KCNJ3: variants seen among roughly 807,000 people sequenced by gnomAD.
KCNJ3 encodes potassium inwardly rectifying channel subfamily J member 3, also known as G protein-activated inward rectifier potassium channel 1.
A neutral mutation model predicts 39.2 loss-of-function variants in KCNJ3; 4 were observed. The observed-to-expected ratio is 0.10, with a 90% CI of 0.05 to 0.23. The LOEUF (loss-of-function observed/expected upper bound fraction) is 0.23, where lower values mean the gene tolerates loss of function less well. KCNJ3 is among the 10% of genes least tolerant of loss of function. KCNJ3 has a pLI of 1.00. For synonymous variants in KCNJ3, 230 were observed against 237.4 expected (o/e 0.97, Z 0.29); for missense variants, 276 against 634.9 (o/e 0.43, Z 6.08).
At chr2:154,831,484 T>C (rs762336939) in intron 2 of KCNJ3, among the ~76,000 whole-genome samples, 19 of 152,146 alleles carry the variant, frequency 1.2e-4, no homozygotes, top group Non-Finnish European at 2.4e-4. Flanking sequence ...GTTAGGATAA[T>C]TGCCAGGTCT....
intron 2 of KCNJ3, among the ~76,000 whole-genome samples, chr2:154,838,171 A>G (rs968338523): frequency 1.3e-5 from 2 of 152,214 alleles, no homozygotes; most frequent in African/African-American, 4.8e-5. Context: ...TCATAAAATT[A>G]AGAGCATTTC....
intron 2 of KCNJ3, among the ~76,000 whole-genome samples, chr2:154,789,644 C>A (rs1686592139): frequency 6.6e-6 from 1 of 152,010 alleles, no homozygotes; most frequent in African/African-American, 2.4e-5. Context: ...AACAAATTCC[C>A]TTTATCTTCT....
Position 154,738,782 on chromosome 2 carries a change from A to G in KCNJ3, c.919+28963A>G, listed in dbSNP as rs187769237. ...TAGACTGCTGTAAACAGCAAGGACT[A>G]TCTTTCAAAAAAAGAAGGTGCAATT... On this transcript the variant is annotated intron_variant, in intron 2 of 2. Transcript: ENST00000295101. 2.7e-3 allele frequency among the ~76,000 whole-genome samples: 414 copies of G among 152,228 alleles called. 3 individuals are homozygous for G. The highest frequency in any genetic ancestry group is 3.5e-3 in the Non-Finnish European group (236 of 67,976).
rs754869659 is a variant in KCNJ3 at position 154,750,039 on chromosome 2, T to C, written c.919+40220T>C. 1.6e-4 allele frequency among the ~76,000 whole-genome samples: 25 copies of C among 152,178 alleles called. No individual in the cohort carries two copies. The South Asian group carries it at 1.7e-3, about 10-fold the overall frequency. On this transcript the variant is annotated intron_variant, in intron 2 of 2. Coordinates refer to ENST00000295101, the MANE Select transcript of KCNJ3 (RefSeq NM_002239.4). ...AAATAGTAGTTTATTGTAAATGTCT[T>C]GTAGAAGAAAGCCTAGTGAATAGCA... is the stretch of plus-strand genomic sequence containing the variant.
chr2:154,708,706 C>G (rs955482840), intron 1 of KCNJ3, among the ~76,000 whole-genome samples: 2 of 152,126 alleles, frequency 1.3e-5, no homozygotes, highest in African/African-American at 4.8e-5. Flanking sequence ...TAATTTTACT[C>G]TCATGGTTTG....
intron 1 of KCNJ3, among the ~76,000 whole-genome samples, chr2:154,708,906 G>A (rs1463553058): frequency 6.6e-6 from 1 of 152,080 alleles, no homozygotes; most frequent in East Asian, 1.9e-4. Flanking sequence ...GTTTAGTTCA[G>A]TTTTTCACTG....
intron 2 of KCNJ3, among the ~76,000 whole-genome samples, chr2:154,719,666 TC>T (rs1490813597): frequency 6.6e-6 from 1 of 152,154 alleles, no homozygotes; most frequent in Admixed American, 6.5e-5. Flanking sequence ...GGAGAGAATA[TC>T]ATTATGCTTA....
intron 2 of KCNJ3, among the ~76,000 whole-genome samples, chr2:154,732,443 A>G (rs1685462084): frequency 6.6e-6 from 1 of 152,138 alleles, no homozygotes; most frequent in Non-Finnish European, 1.5e-5. Flanking sequence ...TTCTTTAGAA[A>G]CAAACAAACA....
At chr2:154,769,146 A>G (rs1228681843) in intron 2 of KCNJ3, among the ~76,000 whole-genome samples, 1 of 152,130 alleles carries the variant, frequency 6.6e-6, no homozygotes, top group African/African-American at 2.4e-5. Context: ...GGACAATTTG[A>G]CTTCCTCTTT....
chr2:154,753,850 CAT>C (rs1685890973), intron 2 of KCNJ3, among the ~76,000 whole-genome samples: 1 of 152,016 alleles, frequency 6.6e-6, no homozygotes, highest in East Asian at 1.9e-4. Flanking sequence ...TTTTAGAAAA[CAT>C]ATTATTTTGA....
intron 2 of KCNJ3, among the ~76,000 whole-genome samples, chr2:154,814,716 C>A (rs1687055591): frequency 6.6e-6 from 1 of 152,048 alleles, no homozygotes; most frequent in Admixed American, 6.6e-5. Flanking sequence ...ATAAAATTTA[C>A]AAAAATCATT....
At chr2:154,729,744 A>G (rs1685419950) in intron 2 of KCNJ3, among the ~76,000 whole-genome samples, 1 of 152,200 alleles carries the variant, frequency 6.6e-6, no homozygotes, top group African/African-American at 2.4e-5. Flanking sequence ...ACATAAATCA[A>G]TTTTTAAAAA....
chr2:154,702,686 C>G (rs894894760), intron 1 of KCNJ3, among the ~76,000 whole-genome samples: 6 of 151,768 alleles, frequency 4.0e-5, no homozygotes, highest in African/African-American at 1.5e-4. Flanking sequence ...GGGGTCAGTC[C>G]TTTTTCTACT....
chr2:154,720,463 G>A (rs114637590), intron 2 of KCNJ3, among the ~76,000 whole-genome samples: 2,688 of 152,002 alleles, frequency 0.018, 71 homozygotes, highest in African/African-American at 0.061. Flanking sequence ...ACTGTCAAGC[G>A]ATTTTTCCAT....
intron 2 of KCNJ3, among the ~76,000 whole-genome samples, chr2:154,803,996 T>C (rs1034975363): frequency 2.0e-5 from 3 of 152,106 alleles, no homozygotes; most frequent in Non-Finnish European, 4.4e-5. Flanking sequence ...AACAAGTTTT[T>C]CAAGCTTATT....
intron 2 of KCNJ3, among the ~76,000 whole-genome samples, chr2:154,786,145 C>G (rs1315214576): frequency 6.6e-6 from 1 of 152,098 alleles, no homozygotes; most frequent in Non-Finnish European, 1.5e-5. Flanking sequence ...CAGACTGAGG[C>G]CTTTGGAAAG....
chr2:154,807,415 G>C (rs908219587), intron 2 of KCNJ3, among the ~76,000 whole-genome samples: 3 of 152,196 alleles, frequency 2.0e-5, no homozygotes, highest in Non-Finnish European at 4.4e-5. Flanking sequence ...CATCAGTCAA[G>C]GACACAGGTT....
chr2:154,743,901 T>C (rs979613880), intron 2 of KCNJ3, among the ~76,000 whole-genome samples: 3 of 151,666 alleles, frequency 2.0e-5, no homozygotes, highest in African/African-American at 7.2e-5. Context: ...GATGTGGACA[T>C]TCTTGCCTTA....
intron 2 of KCNJ3, among the ~76,000 whole-genome samples, chr2:154,828,431 G>A (rs1286357516): frequency 6.6e-6 from 1 of 152,222 alleles, no homozygotes. Flanking sequence ...GGTTGAGTTA[G>A]AAGCATCAGT....
Sources: gnomAD v4.1 joint callset for allele counts (sites outside exome capture counted in the v4.1 genomes callset) on GRCh38, gnomAD v4.1.1 for gene constraint, MANE v1.5 for transcripts, NCBI Gene and HGNC (gene_info 2026-07-23, HGNC 2026-07-21) for gene names.